Variants in AFF1 observed in about 807,000 individuals in gnomAD.
AFF1 encodes AF4/FMR2 family member 1.
A neutral mutation model predicts 121.7 loss-of-function variants in AFF1; 48 were observed. That is an observed-to-expected ratio of 0.39 (90% CI 0.31 to 0.50). The LOEUF is 0.50. Ranked by LOEUF, AFF1 falls within the 20% of genes least tolerant of loss-of-function variation. AFF1 has a pLI of 0.76. For synonymous variants in AFF1, 613 were observed against 563.0 expected (o/e 1.09, Z -1.26); for missense variants, 1,523 against 1,511.7 (o/e 1.01, Z -0.12).
chr4:86,981,611 C>G (rs547035908), intron 2 of AFF1, among the ~76,000 whole-genome samples: 24 of 152,212 alleles, frequency 1.6e-4, no homozygotes, highest in Admixed American at 4.6e-4. Flanking sequence ...TCAAGGGATC[C>G]ACCTGTCTCG....
chr4:87,020,805 G>A lies in AFF1; in HGVS notation c.39-25361G>A, dbSNP rs6827682. 10,065 of 985,250 alleles carry A rather than the reference G, an allele frequency of 0.01. 735 individuals are homozygous for A. The African/African-American group carries it at 0.16, about 15-fold the overall frequency. The allele number at this position is 985,250 out of a possible 1,614,324, so 61.0% of individuals were successfully genotyped here. ...GTAATGCCATGTTTTTGATGCACAG[G>A]TAGTCATCATTGTTAACGTCGTCTT... is the stretch of plus-strand genomic sequence containing the variant. On this transcript the variant is annotated intron_variant, in intron 2 of 20. Transcript: ENST00000395146.
intron 4 of AFF1, among the ~76,000 whole-genome samples, chr4:87,049,202 T>C (rs1731030555): frequency 6.6e-6 from 1 of 151,998 alleles, no homozygotes; most frequent in Non-Finnish European, 1.5e-5. Flanking sequence ...GTCTACCAAA[T>C]GCCCAACCAT....
chr4:87,002,874 G>A (rs1725834274), intron 2 of AFF1, among the ~76,000 whole-genome samples: 1 of 151,984 alleles, frequency 6.6e-6, no homozygotes, highest in Non-Finnish European at 1.5e-5. Flanking sequence ...AACAAAGGTT[G>A]TACTTCAGTG....
chr4:86,953,850 G>C lies in AFF1; in HGVS notation c.38+5279G>C, dbSNP rs1578839590. On this transcript the variant is annotated intron_variant, in intron 2 of 20. Coordinates refer to ENST00000395146, the MANE Select transcript of AFF1 (RefSeq NM_001166693.3). ...TTCTCCTGCTTCAGCCTCCCGAGTA[G>C]CTGGCGCACCACCACGCCCAGCTAA... Among the ~76,000 whole-genome samples the C allele has an allele frequency of 2.0e-5, 3 of 147,572 alleles. No homozygotes were observed. In the East Asian group the frequency reaches 5.8e-4, roughly 28 times the overall value.
At chr4:87,072,526 A>G (rs1475195406) in intron 4 of AFF1, among the ~76,000 whole-genome samples, 1 of 151,556 alleles carries the variant, frequency 6.6e-6, no homozygotes, top group Non-Finnish European at 1.5e-5. Flanking sequence ...ATTTATTTTT[A>G]TATTTATATT....
chr4:86,958,760 A>C (rs998048064), intron 2 of AFF1, among the ~76,000 whole-genome samples: 1 of 152,160 alleles, frequency 6.6e-6, no homozygotes, highest in Non-Finnish European at 1.5e-5. Context: ...AATTGTCTTC[A>C]TCTTGATCCA....
intron 4 of AFF1, among the ~76,000 whole-genome samples, chr4:87,056,473 A>G (rs1293764160): frequency 6.6e-6 from 1 of 152,232 alleles, no homozygotes; most frequent in Non-Finnish European, 1.5e-5. Context: ...GTTGCATTTT[A>G]GAAAAATTTA....
intron 2 of AFF1, among the ~76,000 whole-genome samples, chr4:87,004,736 A>C (rs562270075): frequency 6.6e-6 from 1 of 152,242 alleles, no homozygotes; most frequent in Non-Finnish European, 1.5e-5. Flanking sequence ...GGGATGCCCA[A>C]CCCAAACAGA....
At chr4:87,072,813 T>A (rs1350008150) in intron 4 of AFF1, among the ~76,000 whole-genome samples, 1 of 152,244 alleles carries the variant, frequency 6.6e-6, no homozygotes, top group Non-Finnish European at 1.5e-5. Flanking sequence ...ATTACAGGCG[T>A]GAGCCAGTGT....
At chr4:87,120,413 G>A (rs969329794) in intron 12 of AFF1, among the ~76,000 whole-genome samples, 5 of 152,158 alleles carry the variant, frequency 3.3e-5, no homozygotes, top group Admixed American at 2.0e-4. Flanking sequence ...ATTTAGGTGC[G>A]GAAAGAACCT....
intron 1 of AFF1, among the ~76,000 whole-genome samples, chr4:86,943,749 C>T (rs1720635863): frequency 6.6e-6 from 1 of 151,968 alleles, no homozygotes; most frequent in Non-Finnish European, 1.5e-5. Flanking sequence ...CACCTGAGGT[C>T]GGGAGTTTGA....
At chr4:87,054,369 T>A (rs1281240343) in intron 4 of AFF1, among the ~76,000 whole-genome samples, 1 of 152,116 alleles carries the variant, frequency 6.6e-6, no homozygotes, top group Non-Finnish European at 1.5e-5. Context: ...CATTCCTGAG[T>A]AGGACGTCAG....
chr4:87,029,500 T>A (rs935689717), intron 2 of AFF1, among the ~76,000 whole-genome samples: 1 of 152,166 alleles, frequency 6.6e-6, no homozygotes, highest in Non-Finnish European at 1.5e-5. Flanking sequence ...TGAGGAACAT[T>A]AAGTTCTGAC....
At chr4:87,045,053 G>T (rs1156500733) in intron 2 of AFF1, among the ~76,000 whole-genome samples, 1 of 152,156 alleles carries the variant, frequency 6.6e-6, no homozygotes, top group Non-Finnish European at 1.5e-5. Context: ...AAAGGGATAA[G>T]ATGTGGGGGA....
At chr4:86,956,189 C>G (rs1721725265) in intron 2 of AFF1, among the ~76,000 whole-genome samples, 1 of 152,154 alleles carries the variant, frequency 6.6e-6, no homozygotes, top group Non-Finnish European at 1.5e-5. Flanking sequence ...ATTTCTTATA[C>G]AAAACACCTT....
chr4:86,990,527 A>AG (rs1724618696), intron 2 of AFF1, among the ~76,000 whole-genome samples: 1 of 152,098 alleles, frequency 6.6e-6, no homozygotes. Flanking sequence ...GAGTCCCTGG[A>AG]GTACCCCAAG....
intron 2 of AFF1, among the ~76,000 whole-genome samples, chr4:87,011,099 A>G (rs113909545): frequency 1.5e-4 from 21 of 135,776 alleles, no homozygotes; most frequent in African/African-American, 7.2e-4. Context: ...AAAAAAAAAG[A>G]AAAAAAAAAT....
intron 4 of AFF1, among the ~76,000 whole-genome samples, chr4:87,068,639 A>G (rs759534320): frequency 2.0e-5 from 3 of 152,236 alleles, no homozygotes; most frequent in Non-Finnish European, 4.4e-5. Flanking sequence ...AAAGGGACAG[A>G]TGTTGCCAAT....
intron 4 of AFF1, among the ~76,000 whole-genome samples, chr4:87,060,852 AAAAAAAAAAAAAAAACACAAAAAAAC>A (rs1451727130): frequency 2.1e-5 from 1 of 48,770 alleles, no homozygotes; most frequent in African/African-American, 1.3e-4. Context: ...AAAAAAAAAA[AAAAAAAAAAAAAAAACACAAAAAAAC>A]AACAACAAAA....
Sources: allele counts gnomAD v4.1 joint callset (sites outside exome capture counted in the v4.1 genomes callset), GRCh38; gene constraint gnomAD v4.1.1; transcripts MANE v1.5; gene names NCBI Gene and HGNC (gene_info 2026-07-23, HGNC 2026-07-21).